The following PPP2R5A variants were observed in gnomAD, a reference collection of about 807,000 sequenced individuals.
The protein encoded by PPP2R5A is protein phosphatase 2 regulatory subunit B'alpha, also known as serine/threonine-protein phosphatase 2A 56 kDa regulatory subunit alpha isoform.
Under a neutral mutation model 64.2 loss-of-function variants are expected in PPP2R5A, and 25 were observed. That is an observed-to-expected ratio of 0.39 (90% CI 0.28 to 0.54). The LOEUF is 0.54. Among genes scored for constraint, PPP2R5A ranks in the 20% least tolerant of loss-of-function variants. PPP2R5A has a pLI of 0.67. For synonymous variants in PPP2R5A, 198 were observed against 201.2 expected, an observed-to-expected ratio of 0.98 and a Z score of 0.13; for missense variants, 425 against 576.3, an observed-to-expected ratio of 0.74 and a Z score of 2.69.
At chr1:212,323,309 C>T (rs1659345316) in intron 1 of PPP2R5A, among the ~76,000 whole-genome samples, 1 of 152,116 alleles carries the variant, frequency 6.6e-6, no homozygotes. Context: ...TCTCAGAATT[C>T]GCTTCAAAGG....
At chr1:212,322,184 G>A (rs1659313065) in intron 1 of PPP2R5A, among the ~76,000 whole-genome samples, 1 of 149,658 alleles carries the variant, frequency 6.7e-6, no homozygotes, top group African/African-American at 2.5e-5. Flanking sequence ...CGTGGAAAGA[G>A]AGGGAGAGGG....
chr1:212,354,760 A>C (rs1398594067), intron 8 of PPP2R5A, among the ~76,000 whole-genome samples: 2 of 152,142 alleles, frequency 1.3e-5, no homozygotes, highest in African/African-American at 4.8e-5. Context: ...TGTGATTCCA[A>C]GAGAAAGAAA....
intron 11 of PPP2R5A, 115 bp downstream of exon 11, chr1:212,357,399 G>A (rs952608902): frequency 7.2e-5 from 68 of 938,846 alleles, no homozygotes; most frequent in South Asian, 8.8e-5. Flanking sequence ...TTACTCCAAG[G>A]TTAACATCAG....
At chr1:212,351,561 A>G (rs569525114) in intron 8 of PPP2R5A, among the ~76,000 whole-genome samples, 6 of 152,218 alleles carry the variant, frequency 3.9e-5, no homozygotes, top group African/African-American at 1.4e-4. Flanking sequence ...TAAAAATACA[A>G]AAATTAGCCG....
intron 1 of PPP2R5A, among the ~76,000 whole-genome samples, chr1:212,326,799 A>G (rs555253051): frequency 2.0e-5 from 3 of 152,352 alleles, no homozygotes; most frequent in South Asian, 2.1e-4. Context: ...TTTTACTGGC[A>G]TAGCCACAAA....
At chr1:212,334,386 C>T (rs1003290106) in intron 3 of PPP2R5A, among the ~76,000 whole-genome samples, 2 of 152,186 alleles carry the variant, frequency 1.3e-5, no homozygotes, top group South Asian at 4.2e-4. Context: ...CTTCTGCCTC[C>T]TGGGCTCAAG....
In PPP2R5A at chr1:212,360,952, A is replaced by T. The variant is rs555102942; in HGVS notation, c.*182A>T. On this transcript the variant is annotated 3_prime_UTR_variant, in exon 13 of 13. Transcript: ENST00000261461. ...CTGTGCTGTATCATGGCCATAGTAT[A>T]TTGTAACCTTTGTCTAATCATTGGA... 4.2e-5 allele frequency: 17 copies of T among 409,230 alleles called. No individual in the cohort carries two copies. Among genetic ancestry groups the T allele is most frequent in the Non-Finnish European group, 7.2e-5 (17 of 235,188 alleles). The allele number at this position is 409,230 out of a possible 1,614,324, so 25.3% of individuals were successfully genotyped here. A position where few individuals can be genotyped will look rare whatever the true frequency, so the allele number is the denominator to read the frequency against.
intron 1 of PPP2R5A, among the ~76,000 whole-genome samples, chr1:212,287,007 T>C (rs1189686721): frequency 6.6e-6 from 1 of 151,960 alleles, no homozygotes; most frequent in African/African-American, 2.4e-5. Context: ...TACGAAGGAG[T>C]AGGTAGTGTT....
chr1:212,350,328 CAT>C (rs1379486428), intron 8 of PPP2R5A, among the ~76,000 whole-genome samples: 1 of 152,118 alleles, frequency 6.6e-6, no homozygotes, highest in Non-Finnish European at 1.5e-5. Flanking sequence ...AATTAGAAAC[CAT>C]ATATTTGTAC....
chr1:212,291,052 A>G (rs1240573564), intron 1 of PPP2R5A, among the ~76,000 whole-genome samples: 1 of 152,100 alleles, frequency 6.6e-6, no homozygotes, highest in Non-Finnish European at 1.5e-5. Flanking sequence ...GTTTGTTTTT[A>G]TGTGTTTAGC....
intron 1 of PPP2R5A, among the ~76,000 whole-genome samples, chr1:212,314,705 G>A (rs1005254032): frequency 1.3e-5 from 2 of 151,574 alleles, no homozygotes; most frequent in Non-Finnish European, 2.9e-5. Context: ...CTACAGGCAC[G>A]TGCCACCATG....
intron 3 of PPP2R5A, among the ~76,000 whole-genome samples, chr1:212,341,001 CT>C (rs1371617186): frequency 3.3e-5 from 5 of 152,176 alleles, no homozygotes; most frequent in Middle Eastern, 3.4e-3. Flanking sequence ...TAGAATCCTC[CT>C]TTTTTATTTT....
chr1:212,360,545 G>A, intron 12 of PPP2R5A, 93 bp from the exon 13 acceptor site: 2 of 1,105,058 alleles, frequency 1.8e-6, no homozygotes, highest in Non-Finnish European at 2.5e-6. Context: ...TGAAATGTGG[G>A]TAAGTAATGT....
At chr1:212,312,613 G>A (rs568258512) in intron 1 of PPP2R5A, among the ~76,000 whole-genome samples, 214 of 152,136 alleles carry the variant, frequency 1.4e-3, no homozygotes, top group African/African-American at 4.8e-3. Context: ...ATAGCTTTCA[G>A]GTACATAATC....
chr1:212,329,466 C>T (rs1009685116), intron 2 of PPP2R5A, 135 bp downstream of exon 2: 9 of 739,364 alleles, frequency 1.2e-5, no homozygotes, highest in African/African-American at 1.8e-5. Context: ...GTTCATACCC[C>T]ATCCATTCCA....
At chr1:212,306,090 C>T (rs1658894592) in intron 1 of PPP2R5A, among the ~76,000 whole-genome samples, 1 of 152,164 alleles carries the variant, frequency 6.6e-6, no homozygotes, top group South Asian at 2.1e-4. Flanking sequence ...AGTCCTGCCC[C>T]TGTACCCTTT....
At chr1:212,286,379 TCTC>T in intron 1 of PPP2R5A, 88 bp downstream of exon 1, 2 of 1,354,858 alleles carry the variant, frequency 1.5e-6, no homozygotes, top group Non-Finnish European at 1.9e-6. Flanking sequence ...CTGCTGGGTT[TCTC>T]CTGCTCAGTT....
At chr1:212,335,475 CAA>C (rs71573833) in intron 3 of PPP2R5A, among the ~76,000 whole-genome samples, 5 of 100,972 alleles carry the variant, frequency 5.0e-5, no homozygotes, top group East Asian at 5.7e-4. Context: ...AACTCCGGCT[CAA>C]AAAAAAAAAA....
At chr1:212,292,092 AT>A (rs1420882246) in intron 1 of PPP2R5A, among the ~76,000 whole-genome samples, 1 of 152,206 alleles carries the variant, frequency 6.6e-6, no homozygotes, top group African/African-American at 2.4e-5. Flanking sequence ...GTTTTTGGTC[AT>A]GCCTTATTTT....
Sources: allele counts gnomAD v4.1 joint callset (sites outside exome capture counted in the v4.1 genomes callset), GRCh38; gene constraint gnomAD v4.1.1; transcripts MANE v1.5; gene names NCBI Gene and HGNC (gene_info 2026-07-23, HGNC 2026-07-21).